Variants in SNTG1 observed in about 807,000 individuals in gnomAD.
SNTG1 encodes gamma-1-syntrophin.
SNTG1 carries 39 observed loss-of-function variants against 74.7 expected under a neutral mutation model. The observed-to-expected ratio is 0.52, with a 90% CI of 0.40 to 0.68. The LOEUF is 0.68. SNTG1 is among the 30% of genes least tolerant of loss of function. SNTG1 has a pLI of 0.00. For synonymous variants in SNTG1, 254 were observed against 217.1 expected (o/e 1.17, Z -1.49); for missense variants, 685 against 609.5 (o/e 1.12, Z -1.30).
intron 4 of SNTG1, among the ~76,000 whole-genome samples, chr8:50,422,986 T>TA (rs2093114278): frequency 6.6e-6 from 1 of 152,160 alleles, no homozygotes; most frequent in Non-Finnish European, 1.5e-5. Context: ...TGTTGAAAGT[T>TA]AAAGGCAGGA....
intron 1 of SNTG1, among the ~76,000 whole-genome samples, chr8:50,158,332 A>T (rs2082313993): frequency 6.6e-6 from 1 of 152,118 alleles, no homozygotes; most frequent in Admixed American, 6.6e-5. Flanking sequence ...AATAAAAAAC[A>T]ATTGTACCCA....
chr8:49,924,927 A>AT (rs1292012519), intron 1 of SNTG1, among the ~76,000 whole-genome samples: 1 of 151,992 alleles, frequency 6.6e-6, no homozygotes, highest in Non-Finnish European at 1.5e-5. Flanking sequence ...AGGCAGGAGG[A>AT]TCGCTTGAGG....
intron 12 of SNTG1, among the ~76,000 whole-genome samples, chr8:50,568,227 T>TTGTGTGTG (rs1554576692): frequency 6.8e-6 from 1 of 146,282 alleles, no homozygotes; most frequent in African/African-American, 2.5e-5. Context: ...TTGTCCATGT[T>TTGTGTGTG]TGTGTGTGTG....
chr8:49,987,461 C>A (rs919722162), intron 1 of SNTG1, among the ~76,000 whole-genome samples: 4 of 152,060 alleles, frequency 2.6e-5, no homozygotes, highest in Non-Finnish European at 4.4e-5. Flanking sequence ...ACCTCAAAAT[C>A]TGTTTCCAAA....
intron 2 of SNTG1, among the ~76,000 whole-genome samples, chr8:50,230,417 A>C (rs1731753792): frequency 1.3e-5 from 2 of 151,398 alleles, no homozygotes; most frequent in South Asian, 2.1e-4. Context: ...AGGGAGTAAT[A>C]CTATATGTAT....
chr8:50,081,727 G>T (rs530440640), intron 1 of SNTG1, among the ~76,000 whole-genome samples: 111 of 152,124 alleles, frequency 7.3e-4, no homozygotes, highest in Middle Eastern at 3.4e-3. Flanking sequence ...TCTGCCTCCC[G>T]AGTTCAAGTG....
chr8:49,951,982 C>T (rs1809762805), intron 1 of SNTG1, among the ~76,000 whole-genome samples: 1 of 150,054 alleles, frequency 6.7e-6, no homozygotes, highest in South Asian at 2.1e-4. Context: ...ATATATCACC[C>T]AGAACTACTC....
chr8:50,403,160 C>T (rs1299168556), intron 4 of SNTG1, among the ~76,000 whole-genome samples: 1 of 152,102 alleles, frequency 6.6e-6, no homozygotes, highest in African/African-American at 2.4e-5. Context: ...TAGTCTGCTC[C>T]CTGCTTTCCC....
chr8:50,315,558 G>T (rs2090283878), intron 2 of SNTG1, among the ~76,000 whole-genome samples: 1 of 149,912 alleles, frequency 6.7e-6, no homozygotes, highest in Non-Finnish European at 1.5e-5. Context: ...TGATAGTGGA[G>T]AATCATATTG....
intron 18 of SNTG1, among the ~76,000 whole-genome samples, chr8:50,783,037 T>C (rs1243342721): frequency 6.6e-6 from 1 of 152,078 alleles, no homozygotes; most frequent in African/African-American, 2.4e-5. Context: ...GAACCGCAAA[T>C]GCTGCTGTCT....
chr8:50,051,693 T>C (rs1819588828), intron 1 of SNTG1, among the ~76,000 whole-genome samples: 1 of 152,098 alleles, frequency 6.6e-6, no homozygotes, highest in Non-Finnish European at 1.5e-5. Flanking sequence ...CTCCATCCTC[T>C]GCCGTTCTGC....
intron 2 of SNTG1, among the ~76,000 whole-genome samples, chr8:50,260,746 C>A (rs200921891): frequency 1.1e-4 from 3 of 27,704 alleles, no homozygotes; most frequent in Non-Finnish European, 4.2e-4. Context: ...AATAGCAATT[C>A]TAAAAAAAAA....
chr8:50,220,092 C>T (rs1344704901), intron 2 of SNTG1, among the ~76,000 whole-genome samples: 1 of 152,068 alleles, frequency 6.6e-6, no homozygotes, highest in Non-Finnish European at 1.5e-5. Flanking sequence ...ATTGGTGACC[C>T]TTCTCAGGTG....
intron 15 of SNTG1, among the ~76,000 whole-genome samples, chr8:50,689,964 G>T (rs1321204637): frequency 1.3e-5 from 2 of 152,050 alleles, no homozygotes; most frequent in Non-Finnish European, 2.9e-5. Context: ...ACTTCTTCCT[G>T]GTTTAGTCTT....
intron 4 of SNTG1, among the ~76,000 whole-genome samples, chr8:50,421,659 GCT>G (rs1715546527): frequency 1.3e-5 from 2 of 152,056 alleles, no homozygotes; most frequent in Non-Finnish European, 2.9e-5. Context: ...AGATTGAGTT[GCT>G]CTGTTTCAAA....
intron 9 of SNTG1, among the ~76,000 whole-genome samples, chr8:50,525,058 T>G (rs2130231443): frequency 6.6e-6 from 1 of 152,280 alleles, no homozygotes. Flanking sequence ...TGTAAAACAG[T>G]TCTAGTGGTG....
At chr8:50,162,246 T>A (rs897741388) in intron 1 of SNTG1, among the ~76,000 whole-genome samples, 6 of 151,994 alleles carry the variant, frequency 3.9e-5, no homozygotes, top group Admixed American at 2.6e-4. Context: ...CTGCCCAGAG[T>A]GAACCCTGCG....
chr8:50,475,425 G>A (rs1034628258), intron 8 of SNTG1, among the ~76,000 whole-genome samples: 1 of 152,088 alleles, frequency 6.6e-6, no homozygotes, highest in African/African-American at 2.4e-5. Context: ...CTGTTTCTCA[G>A]GTATTTCACA....
chr8:50,285,951 TTTC>T (rs2088755171), intron 2 of SNTG1, among the ~76,000 whole-genome samples: 1 of 151,868 alleles, frequency 6.6e-6, no homozygotes, highest in Non-Finnish European at 1.5e-5. Context: ...TGCTACTTTA[TTTC>T]TTTTTCTATT....
Sources: gnomAD v4.1 joint callset for allele counts (sites outside exome capture counted in the v4.1 genomes callset) on GRCh38, gnomAD v4.1.1 for gene constraint, MANE v1.5 for transcripts, NCBI Gene and HGNC (gene_info 2026-07-23, HGNC 2026-07-21) for gene names.